The following CLIP2 variants were observed in gnomAD, a reference collection of about 807,000 sequenced individuals.
CLIP2 encodes CAP-Gly domain-containing linker protein 2.
A neutral mutation model predicts 111.7 loss-of-function variants in CLIP2; 41 were observed. That is an observed-to-expected ratio of 0.37 (90% CI 0.29 to 0.48). CLIP2 has a LOEUF of 0.48. Among genes scored for constraint, CLIP2 ranks in the 20% least tolerant of loss-of-function variants. The pLI is 0.99. For synonymous variants in CLIP2, 660 were observed against 644.2 expected (o/e 1.02, Z -0.37); for missense variants, 1,160 against 1,422.1 (o/e 0.82, Z 2.96).
In CLIP2 at chr7:74,389,152, G is replaced by A. The variant is rs1375368384; in HGVS notation, c.2613G>A (p.Leu871=). The A allele has an allele frequency of 3.1e-6, 5 of 1,613,620 alleles. No homozygotes were observed. The African/African-American group carries it at 6.7e-5, about 22-fold the overall frequency. The change falls in exon 13 of 17, where the codon CTG becomes CTA. Residue 871 remains leucine (L), a synonymous_variant. Coordinates refer to ENST00000223398, the MANE Select transcript of CLIP2 (RefSeq NM_003388.5). ...KSGEKKVDAL[L]KEKRRLEAEL... is the part of the protein sequence containing the mutation. Reference sequence around the variant, plus strand: ...GCGAGAAGAAGGTGGACGCCCTCCTGAAGGAGAAGCGGCGCCTGGAGGCAG... The same window carrying A: ...GCGAGAAGAAGGTGGACGCCCTCCTAAAGGAGAAGCGGCGCCTGGAGGCAG...
Position 74,292,279 on chromosome 7 carries a change from A to G in CLIP2, c.-68+2545A>G, listed in dbSNP as rs192904251. Among the ~76,000 whole-genome samples the G allele has an allele frequency of 5.3e-5, 8 of 152,092 alleles. No homozygotes were observed. In the East Asian group the frequency reaches 1.6e-3, roughly 30 times the overall value. ...TCCACTTCCATACACAGGGGAGGGAAGCTGCATTTGTGACCCTCAGATTCC... is the reference window on the plus strand; with the variant it reads ...TCCACTTCCATACACAGGGGAGGGAGGCTGCATTTGTGACCCTCAGATTCC... On this transcript the variant is annotated intron_variant, in intron 1 of 16. Coordinates refer to ENST00000223398, the MANE Select transcript of CLIP2 (RefSeq NM_003388.5).
At chr7:74,307,486 G>GT (rs1373131807) in intron 1 of CLIP2, among the ~76,000 whole-genome samples, 5 of 152,058 alleles carry the variant, frequency 3.3e-5, no homozygotes, top group African/African-American at 9.7e-5. Flanking sequence ...CAGTAGGTTC[G>GT]TTTTTTTGTT....
At position 74,348,228 on chromosome 7, in the gene CLIP2, G is replaced by A. The variant is rs144302227; in HGVS notation, c.679-5652G>A. ...CATTAGAGAACCTATTTACAGAAAA[G>A]AGGAATGGAGAAAAAGGAGGGGAGA... On this transcript the variant is annotated intron_variant, in intron 3 of 16. Transcript: ENST00000223398. Among the ~76,000 whole-genome samples, 4 of 152,188 alleles carry A rather than the reference G, an allele frequency of 2.6e-5. No individual in the cohort carries two copies. In the East Asian group the frequency reaches 7.7e-4, roughly 29 times the overall value.
At chr7:74,296,659 T>C (rs1003538200) in intron 1 of CLIP2, among the ~76,000 whole-genome samples, 2 of 151,052 alleles carry the variant, frequency 1.3e-5, no homozygotes, top group Non-Finnish European at 2.9e-5. Flanking sequence ...TGTGGTGGTG[T>C]GCACCTATAG....
intron 2 of CLIP2, among the ~76,000 whole-genome samples, chr7:74,323,305 C>T (rs970384590): frequency 5.9e-5 from 9 of 151,784 alleles, no homozygotes; most frequent in Admixed American, 5.3e-4. Context: ...GAAACGGAGT[C>T]TTGCATTTGT....
At chr7:74,352,294 G>A (rs947372388) in intron 3 of CLIP2, among the ~76,000 whole-genome samples, 2 of 152,030 alleles carry the variant, frequency 1.3e-5, no homozygotes, top group African/African-American at 4.8e-5. Context: ...AAAATTAGCC[G>A]GGCATGGTGG....
chr7:74,344,064 C>T (rs972659743), intron 3 of CLIP2, among the ~76,000 whole-genome samples: 2 of 152,150 alleles, frequency 1.3e-5, no homozygotes, highest in Admixed American at 6.6e-5. Flanking sequence ...GGTTACTGAC[C>T]AGCCCAGATT....
intron 3 of CLIP2, among the ~76,000 whole-genome samples, chr7:74,353,281 C>T (rs1283707400): frequency 2.0e-5 from 3 of 149,064 alleles, no homozygotes; most frequent in African/African-American, 7.4e-5. Context: ...CTCAGAGTCT[C>T]GCCCTGTTGC....
At chr7:74,320,389 G>A (rs10479695) in intron 2 of CLIP2, among the ~76,000 whole-genome samples, 7,828 of 151,872 alleles carry the variant, frequency 0.052, 432 homozygotes, top group East Asian at 0.26. Flanking sequence ...AGGCACGGTG[G>A]TGTATACCTG....
At chr7:74,301,894 G>A (rs1788348203) in intron 1 of CLIP2, among the ~76,000 whole-genome samples, 1 of 151,296 alleles carries the variant, frequency 6.6e-6, no homozygotes, top group Non-Finnish European at 1.5e-5. Flanking sequence ...TGTATTTTTA[G>A]TAGAGATGGG....
intron 2 of CLIP2, among the ~76,000 whole-genome samples, chr7:74,318,344 C>T (rs1335869703): frequency 1.3e-5 from 2 of 152,056 alleles, no homozygotes; most frequent in South Asian, 2.1e-4. Context: ...ATGAGAGCTA[C>T]GGGAGGGTTT....
chr7:74,376,456 G>T lies in CLIP2; in HGVS notation c.2055G>T (p.Leu685=). 6.2e-7 allele frequency: 1 copy of T among 1,613,832 alleles called. No homozygotes were observed. The highest frequency in any genetic ancestry group is 8.5e-7 in the Non-Finnish European group (1 of 1,179,966). ...TAMHVKEKEA[L]REKLQEAQEE... ...TGCACGTGAAGGAGAAGGAGGCCCT[G>T]CGAGAGAAGCTGCAGGAGGCCCAGG... The change falls in exon 10 of 17, where the codon CTG becomes CTT. Residue 685 remains leucine (L), a synonymous_variant. Coordinates refer to ENST00000223398, the MANE Select transcript of CLIP2 (RefSeq NM_003388.5). This position sits in a 1 kb window ranked among gnomAD's most constrained non-coding sequence, Gnocchi z 7.1.
intron 3 of CLIP2, among the ~76,000 whole-genome samples, chr7:74,348,829 T>C (rs557013263): frequency 1.3e-5 from 2 of 149,450 alleles, no homozygotes; most frequent in South Asian, 4.3e-4. Context: ...GCAAGAGAAT[T>C]CAAAACAGAT....
At chr7:74,292,563 G>A (rs2116433998) in intron 1 of CLIP2, among the ~76,000 whole-genome samples, 2 of 151,678 alleles carry the variant, frequency 1.3e-5, no homozygotes, top group East Asian at 3.9e-4. Flanking sequence ...ATTTTTTGTA[G>A]TTTTAGTAGA....
rs782446097 is a variant in CLIP2, at chr7:74,338,567, G to T, written c.241G>T (p.Val81Leu). The T allele has an allele frequency of 8.8e-6, 14 of 1,582,772 alleles. No homozygotes were observed. Among genetic ancestry groups the T allele is most frequent in the Non-Finnish European group, 1.2e-5 (14 of 1,165,836 alleles). The change falls in exon 3 of 17, where the codon GTG becomes TTG. Residue 81 changes from valine to leucine, a missense_variant. Transcript: ENST00000223398. This position sits in a 1 kb window ranked among gnomAD's most constrained non-coding sequence, Gnocchi z 4.3. ...GGATGACTTCCTGGGGGACTTTGTG[G>T]TGGGCGAGCGGGTGTGGGTGAACGG... ...VGDDFLGDFV[V>L]GERVWVNGVK...
intron 9 of CLIP2, among the ~76,000 whole-genome samples, chr7:74,373,963 G>A (rs1429330825): frequency 6.6e-6 from 1 of 152,044 alleles, no homozygotes; most frequent in Non-Finnish European, 1.5e-5. Context: ...CTGCTTGTGG[G>A]TGAGGCTTCC....
At chr7:74,313,770 G>A (rs1356822428) in intron 1 of CLIP2, among the ~76,000 whole-genome samples, 12 of 152,120 alleles carry the variant, frequency 7.9e-5, no homozygotes, top group Admixed American at 2.0e-4. Context: ...AAAGGTTTCA[G>A]CCACAGCCTA....
chr7:74,380,638 C>T (rs548165199), intron 10 of CLIP2, 168 bp from the exon 11 acceptor site: 12 of 542,418 alleles, frequency 2.2e-5, no homozygotes, highest in African/African-American at 1.7e-4. Context: ...GGAGGTCCGA[C>T]TGAGGACGTC....
rs1791620496 is a variant in CLIP2, at chr7:74,401,542, A to G, written c.3104A>G (p.Gln1035Arg). ...GNSGSANGIH[Q>R]QDKAQKQEDK... ...TCCGGTTCTGCAAACGGCATCCACC[A>G]GCAGGACAAAGCTCAGAAACAAGAG... Residue 1035 changes from glutamine to arginine, a missense_variant, in exon 16 of 17, where the codon CAG becomes CGG. Gln to Arg is a conservative substitution (Grantham distance 43). This residue lies in a region of CLIP2 where 676 missense variants were observed against 777.8 expected (regional missense o/e 0.87). Coordinates refer to ENST00000223398, the MANE Select transcript of CLIP2 (RefSeq NM_003388.5). The G allele has an allele frequency of 1.2e-6, 2 of 1,613,978 alleles. No individual in the cohort carries two copies. Among genetic ancestry groups the G allele is most frequent in the East Asian group, 2.2e-5 (1 of 44,894 alleles).
Sources: allele counts gnomAD v4.1 joint callset (sites outside exome capture counted in the v4.1 genomes callset), GRCh38; gene constraint gnomAD v4.1.1; regional missense constraint gnomAD v4.1.1; non-coding constraint Gnocchi (gnomAD v3.1); transcripts MANE v1.5; gene names NCBI Gene and HGNC (gene_info 2026-07-23, HGNC 2026-07-21).